The following PRLR variants were observed in gnomAD, a reference collection of about 807,000 sequenced individuals.
PRLR encodes prolactin receptor, also known as hPRL receptor.
Under a neutral mutation model 40.2 loss-of-function variants are expected in PRLR, and 13 were observed. The ratio of observed to expected loss-of-function variants is 0.32; its 90% confidence interval spans 0.21 to 0.51. The LOEUF (loss-of-function observed/expected upper bound fraction) is 0.51, where lower values mean the gene tolerates loss of function less well. Ranked by LOEUF, PRLR falls within the 20% of genes least tolerant of loss-of-function variation. The pLI, the probability that PRLR is intolerant of heterozygous loss-of-function variation, is 0.97. For missense variants in PRLR, 656 were observed against 747.3 expected (o/e 0.88, Z 1.42); for synonymous variants, 269 against 278.7 (o/e 0.97, Z 0.35).
intron 1 of PRLR, among the ~76,000 whole-genome samples, chr5:35,193,113 C>T (rs573663845): frequency 6.6e-6 from 1 of 152,114 alleles, no homozygotes; most frequent in Non-Finnish European, 1.5e-5. Context: ...TAGGAGACTT[C>T]GAAGTGGCAA....
chr5:35,226,335 T>G (rs147821194), intron 1 of PRLR, among the ~76,000 whole-genome samples: 1,740 of 152,346 alleles, frequency 0.011, 22 homozygotes, highest in Non-Finnish European at 0.018. Context: ...CTTCATAACC[T>G]TGGACTAGCT....
At chr5:35,112,197 C>T (rs1772702860) in intron 2 of PRLR, among the ~76,000 whole-genome samples, 1 of 152,124 alleles carries the variant, frequency 6.6e-6, no homozygotes, top group African/African-American at 2.4e-5. Flanking sequence ...ACTTGTTTTC[C>T]CCTACTTCTC....
intron 1 of PRLR, among the ~76,000 whole-genome samples, chr5:35,222,332 G>A (rs764217184): frequency 6.6e-6 from 1 of 151,866 alleles, no homozygotes; most frequent in Non-Finnish European, 1.5e-5. Context: ...TGTTTAAAAT[G>A]CTGGGCTTTC....
chr5:35,124,713 C>T (rs1386795698), intron 1 of PRLR, among the ~76,000 whole-genome samples: 2 of 152,100 alleles, frequency 1.3e-5, no homozygotes, highest in Non-Finnish European at 2.9e-5. Flanking sequence ...GACAAATAAC[C>T]ATGATGGCAG....
chr5:35,074,163 TA>T (rs2112410640), intron 5 of PRLR, among the ~76,000 whole-genome samples: 1 of 152,230 alleles, frequency 6.6e-6, no homozygotes, highest in East Asian at 1.9e-4. Context: ...GATGAATGGA[TA>T]AAAAATGTGG....
In PRLR at chr5:35,177,913, C is replaced by T. The variant is rs191309931; in HGVS notation, c.-106+52355G>A. Among the ~76,000 whole-genome samples the T allele has an allele frequency of 5.9e-4, 89 of 151,870 alleles. 1 individual carries two copies. Among genetic ancestry groups the T allele is most frequent in the Middle Eastern group, 6.9e-3 (2 of 290 alleles). ...GTTTTCTGAAATGACTATTTCATTT[C>T]GCATGTCTACCAATAGTGTATGAGG... On this transcript the variant is annotated intron_variant, in intron 1 of 9. Transcript: ENST00000618457.
Position 35,104,740 on chromosome 5 carries a change from A to G in PRLR, c.-44+13321T>C, listed in dbSNP as rs181252380. Among the ~76,000 whole-genome samples, 158 of 152,280 alleles carry G rather than the reference A, an allele frequency of 1.0e-3. 1 individual carries two copies. Among genetic ancestry groups the G allele is most frequent in the African/African-American group, 3.4e-3 (142 of 41,564 alleles). On this transcript the variant is annotated intron_variant, in intron 2 of 9. Coordinates refer to ENST00000618457, the MANE Select transcript of PRLR (RefSeq NM_000949.7). ...AGGCCAGGAAGCTCGAACTGGGTGG[A>G]GCCCACTGAGCTCAAGGACGCCTGC...
At chr5:35,133,969 G>C (rs1030197113) in intron 1 of PRLR, among the ~76,000 whole-genome samples, 5 of 152,150 alleles carry the variant, frequency 3.3e-5, no homozygotes, top group African/African-American at 1.2e-4. Flanking sequence ...TCACTCATAA[G>C]TGGGAGCTAA....
At chr5:35,121,641 C>G (rs551563457) in intron 1 of PRLR, among the ~76,000 whole-genome samples, 1 of 152,308 alleles carries the variant, frequency 6.6e-6, no homozygotes, top group Non-Finnish European at 1.5e-5. Context: ...AATATGCCAG[C>G]TATCATGCTA....
At chr5:35,075,036 A>G (rs1018354947) in intron 5 of PRLR, among the ~76,000 whole-genome samples, 1 of 152,210 alleles carries the variant, frequency 6.6e-6, no homozygotes, top group African/African-American at 2.4e-5. Flanking sequence ...ACATTTGCCT[A>G]AAAACCAACT....
At chr5:35,087,752 G>A (rs569169333) in intron 3 of PRLR, among the ~76,000 whole-genome samples, 111 of 152,128 alleles carry the variant, frequency 7.3e-4, no homozygotes, top group African/African-American at 2.5e-3. Flanking sequence ...CTTGGCAAGC[G>A]GGCTCCCATT....
chr5:35,106,825 A>G (rs1446387289), intron 2 of PRLR, among the ~76,000 whole-genome samples: 1 of 152,190 alleles, frequency 6.6e-6, no homozygotes, highest in Non-Finnish European at 1.5e-5. Context: ...GATGACACAG[A>G]AAGTTAACAA....
intron 1 of PRLR, among the ~76,000 whole-genome samples, chr5:35,136,897 G>A (rs1773874160): frequency 6.6e-6 from 1 of 150,964 alleles, no homozygotes; most frequent in South Asian, 2.1e-4. Context: ...CGATGTTTAT[G>A]TTGCTGGTAT....
chr5:35,085,268 T>C (rs1770775204), intron 4 of PRLR, among the ~76,000 whole-genome samples: 1 of 152,190 alleles, frequency 6.6e-6, no homozygotes, highest in South Asian at 2.1e-4. Flanking sequence ...CTTGTTCAAT[T>C]CTGGTTGCAT....
At chr5:35,083,511 T>TTTCTC (rs1491319422) in intron 5 of PRLR, among the ~76,000 whole-genome samples, 50 of 148,416 alleles carry the variant, frequency 3.4e-4, no homozygotes, top group African/African-American at 1.2e-3. Context: ...ATTTAAATTC[T>TTTCTC]TTCTTTTCTT....
intron 1 of PRLR, among the ~76,000 whole-genome samples, chr5:35,228,646 C>A (rs1776613426): frequency 6.6e-6 from 1 of 152,172 alleles, no homozygotes; most frequent in Non-Finnish European, 1.5e-5. Context: ...GGGGTAAGGA[C>A]TGTCGCCTTA....
At chr5:35,227,266 C>T (rs555479407) in intron 1 of PRLR, among the ~76,000 whole-genome samples, 7 of 152,246 alleles carry the variant, frequency 4.6e-5, no homozygotes, top group South Asian at 2.1e-4. Context: ...AATCTTAATC[C>T]GGTTGGCTGA....
chr5:35,164,921 T>C (rs1462043539), intron 1 of PRLR, among the ~76,000 whole-genome samples: 1 of 152,126 alleles, frequency 6.6e-6, no homozygotes, highest in African/African-American at 2.4e-5. Context: ...AAGAGAGTAA[T>C]CAAAGATGAT....
intron 1 of PRLR, among the ~76,000 whole-genome samples, chr5:35,162,936 C>T (rs1774718990): frequency 1.3e-5 from 2 of 152,164 alleles, no homozygotes; most frequent in Non-Finnish European, 2.9e-5. Flanking sequence ...TATTTTCTGC[C>T]AGTGGATCTT....
Sources: gnomAD v4.1 joint callset for allele counts (sites outside exome capture counted in the v4.1 genomes callset) on GRCh38, gnomAD v4.1.1 for gene constraint, MANE v1.5 for transcripts, NCBI Gene and HGNC (gene_info 2026-07-23, HGNC 2026-07-21) for gene names.